Variants in PPP6R3 observed in about 807,000 individuals in gnomAD.
PPP6R3 encodes serine/threonine-protein phosphatase 6 regulatory subunit 3.
PPP6R3 carries 38 observed loss-of-function variants against 110.7 expected under a neutral mutation model. The observed-to-expected ratio is 0.34, with a 90% CI of 0.26 to 0.45. The LOEUF (loss-of-function observed/expected upper bound fraction) is 0.45, where lower values mean the gene tolerates loss of function less well. Among genes scored for constraint, PPP6R3 ranks in the 20% least tolerant of loss-of-function variants. The pLI, the probability that PPP6R3 is intolerant of heterozygous loss-of-function variation, is 1.00. For missense variants in PPP6R3, 870 were observed against 1,062.4 expected (o/e 0.82, Z 2.52); for synonymous variants, 369 against 373.5 (o/e 0.99, Z 0.14).
At chr11:68,547,602 T>C (rs1426722436) in intron 4 of PPP6R3, among the ~76,000 whole-genome samples, 3 of 152,224 alleles carry the variant, frequency 2.0e-5, no homozygotes, top group Non-Finnish European at 4.4e-5. Flanking sequence ...GAGTTAGTTA[T>C]TTTGACTAGA....
Position 68,461,022 on chromosome 11 carries a change from C to T in PPP6R3, c.-158+195C>T, listed in dbSNP as rs369345742. Among the ~76,000 whole-genome samples the T allele has an allele frequency of 1.3e-4, 20 of 151,874 alleles. No homozygotes were observed. In the South Asian group the frequency reaches 3.7e-3, roughly 28 times the overall value. Reference sequence around the variant, plus strand: ...CGCCGAGTCCTTCCCGGCCGCTCCCCGTCCGCTCCTGTTAGCCGGGGGCCC... The same window carrying T: ...CGCCGAGTCCTTCCCGGCCGCTCCCTGTCCGCTCCTGTTAGCCGGGGGCCC... On this transcript the variant is annotated intron_variant, in intron 1 of 23. Transcript: ENST00000393800.
intron 1 of PPP6R3, among the ~76,000 whole-genome samples, chr11:68,463,082 A>AAG: frequency 6.6e-6 from 1 of 152,290 alleles, no homozygotes; most frequent in Non-Finnish European, 1.5e-5. Flanking sequence ...GCTTTTTAAG[A>AAG]TAAAGCTTTG....
At chr11:68,486,382 G>A (rs2098947359) in intron 1 of PPP6R3, among the ~76,000 whole-genome samples, 2 of 151,942 alleles carry the variant, frequency 1.3e-5, no homozygotes, top group African/African-American at 4.8e-5. Context: ...GAGGCGGGTG[G>A]ATCACAAGTT....
intron 1 of PPP6R3, among the ~76,000 whole-genome samples, chr11:68,495,530 G>A (rs565926685): frequency 6.6e-6 from 1 of 152,210 alleles, no homozygotes; most frequent in African/African-American, 2.4e-5. Context: ...AACCACTACT[G>A]TACTTTCTGT....
intron 1 of PPP6R3, among the ~76,000 whole-genome samples, chr11:68,509,457 A>G (rs978827317): frequency 9.1e-6 from 1 of 110,304 alleles, no homozygotes; most frequent in Non-Finnish European, 1.9e-5. Context: ...TTATTTTTTT[A>G]TTTTACTTCT....
chr11:68,534,049 C>T (rs968678409), intron 2 of PPP6R3, among the ~76,000 whole-genome samples: 2 of 152,174 alleles, frequency 1.3e-5, no homozygotes, highest in Non-Finnish European at 1.5e-5. Context: ...TAGCTAGATA[C>T]AGGTGAAGGA....
chr11:68,472,780 A>C (rs143878213), intron 1 of PPP6R3, among the ~76,000 whole-genome samples: 1 of 152,318 alleles, frequency 6.6e-6, no homozygotes, highest in African/African-American at 2.4e-5. Context: ...CAACGACAAC[A>C]AAACCACCTT....
chr11:68,612,164 G>A (rs1490743363), intron 23 of PPP6R3, among the ~76,000 whole-genome samples: 1 of 152,208 alleles, frequency 6.6e-6, no homozygotes, highest in Admixed American at 6.5e-5. Flanking sequence ...AGGCAAGTTA[G>A]TTATATACCA....
At chr11:68,512,263 A>G (rs548104187) in intron 1 of PPP6R3, among the ~76,000 whole-genome samples, 85 of 152,340 alleles carry the variant, frequency 5.6e-4, no homozygotes, top group Middle Eastern at 3.4e-3. Context: ...GTTCAAGATC[A>G]AGCTTCTTGA....
In PPP6R3 at chr11:68,537,811, A is replaced by G; in HGVS notation, c.147A>G (p.Leu49=). The part of the protein sequence containing the change: ...AQNRKLIEFL[L]KAECLEDLVS... ...ACCGCAAACTTATAGAGTTTCTGTT[A>G]AAAGCAGAATGTCTCGAAGATTTAG... The change falls in exon 3 of 24, where the codon TTA becomes TTG. Residue 49 remains leucine (L), a synonymous_variant. Transcript: ENST00000393800. The G allele has an allele frequency of 6.2e-7, 1 of 1,614,066 alleles. No homozygotes were observed. Among genetic ancestry groups the G allele is most frequent in the Non-Finnish European group, 8.5e-7 (1 of 1,179,916 alleles).
chr11:68,538,036 C>A, intron 3 of PPP6R3, 145 bp downstream of exon 3: 1 of 555,234 alleles, frequency 1.8e-6, no homozygotes, highest in Admixed American at 4.2e-5. Context: ...CGGTGGAGCG[C>A]AAAATCCATT....
intron 11 of PPP6R3, 47 bp downstream of exon 11, chr11:68,569,944 G>T: frequency 6.5e-7 from 1 of 1,533,660 alleles, no homozygotes. Context: ...CCTGGTTATA[G>T]CAGTTTTCCA....
chr11:68,584,445 C>A (rs187690065), intron 15 of PPP6R3, among the ~76,000 whole-genome samples: 4 of 152,230 alleles, frequency 2.6e-5, no homozygotes, highest in African/African-American at 9.6e-5. Flanking sequence ...ATTGGTCCAC[C>A]CCTAGAATGA....
In PPP6R3 at chr11:68,615,078, G is replaced by C. The variant is rs1308712388; in HGVS notation, c.*1961G>C. On this transcript the variant is annotated 3_prime_UTR_variant, in exon 24 of 24. Coordinates refer to ENST00000393800, the MANE Select transcript of PPP6R3 (RefSeq NM_001164161.2). ...CTTCATCCCACTGACTGCTGGGAGA[G>C]AGCCTCTGGGACTTTTCTTTGGGGC... The C allele has an allele frequency of 2.1e-6, 1 of 471,774 alleles. No homozygotes were observed. 29.2% of individuals were successfully genotyped at this position (471,774 alleles called of 1,614,324 possible).
intron 22 of PPP6R3, among the ~76,000 whole-genome samples, chr11:68,607,280 G>A (rs941392573): frequency 7.2e-5 from 11 of 152,300 alleles, no homozygotes; most frequent in South Asian, 2.1e-4. Context: ...ACAGTGATTG[G>A]AACAGTTTTG....
intron 7 of PPP6R3, among the ~76,000 whole-genome samples, chr11:68,557,717 A>G (rs2099405003): frequency 6.6e-6 from 1 of 152,056 alleles, no homozygotes; most frequent in African/African-American, 2.4e-5. Flanking sequence ...ATGGGGTTTC[A>G]CCATGTTGGT....
At chr11:68,554,317 A>G in intron 7 of PPP6R3, 60 bp downstream of exon 7, 1 of 1,273,382 alleles carries the variant, frequency 7.9e-7, no homozygotes, top group Non-Finnish European at 1.1e-6. Context: ...ATGTGTTACC[A>G]TTGTGAGTGA....
intron 2 of PPP6R3, among the ~76,000 whole-genome samples, chr11:68,521,360 A>G (rs1372529290): frequency 6.6e-6 from 1 of 152,194 alleles, no homozygotes; most frequent in Non-Finnish European, 1.5e-5. Flanking sequence ...TGTCAGAGGC[A>G]TTTCTCAGGA....
chr11:68,534,442 CCTT>C (rs765517351), intron 2 of PPP6R3, among the ~76,000 whole-genome samples: 2 of 152,148 alleles, frequency 1.3e-5, no homozygotes, highest in African/African-American at 2.4e-5. Flanking sequence ...TTTGCCAACA[CCTT>C]CTTATTTCAT....
Sources: allele counts gnomAD v4.1 joint callset (sites outside exome capture counted in the v4.1 genomes callset), GRCh38; gene constraint gnomAD v4.1.1; transcripts MANE v1.5; gene names NCBI Gene and HGNC (gene_info 2026-07-23, HGNC 2026-07-21).